ATP5F1B: variants seen among roughly 807,000 people sequenced by gnomAD.
The protein encoded by ATP5F1B is ATP synthase F(1) complex subunit beta, mitochondrial.
In ATP5F1B, 17 loss-of-function variants were observed where a neutral mutation model predicts 45.9. That is an observed-to-expected ratio of 0.37 (90% CI 0.25 to 0.56). ATP5F1B has a LOEUF of 0.56. ATP5F1B is among the 20% of genes least tolerant of loss of function. The probability of loss-of-function intolerance (pLI) is 0.80; values close to 1 mark genes in which losing one functional copy is unlikely to be tolerated. For synonymous variants in ATP5F1B, 218 were observed against 256.5 expected, an observed-to-expected ratio of 0.85 and a Z score of 1.43; for missense variants, 387 against 673.2, an observed-to-expected ratio of 0.57 and a Z score of 4.70.
At chr12:56,644,041 T>C in intron 3 of ATP5F1B, 83 bp from the exon 4 acceptor site, 1 of 1,501,834 alleles carries the variant, frequency 6.7e-7, no homozygotes, top group Non-Finnish European at 9.0e-7. Context: ...CTATCAACTC[T>C]CAAGTCCATC....
In ATP5F1B at chr12:56,642,776, G is replaced by A; in HGVS notation, c.848C>T (p.Ala283Val). 3 of 1,614,110 alleles carry A rather than the reference G, an allele frequency of 1.9e-6. No individual in the cohort carries two copies. Among genetic ancestry groups the A allele is most frequent in the Non-Finnish European group, 1.7e-6 (2 of 1,180,008 alleles). Residue 283 changes from alanine to valine, a missense_variant, in exon 6 of 10, where the codon GCT (alanine) becomes GTT (valine). Ala to Val is a moderately conservative substitution (Grantham distance 64). This residue lies in a region of ATP5F1B where 154 missense variants were observed against 361.4 expected (regional missense o/e 0.43). Transcript: ENST00000262030. ...TTCAGCCACAGTCAGCCCAGTCAGA[G>A]CTACCCGGGCACGAGCACCAGGTGG... ...NEPPGARARV[A>V]LTGLTVAEYF...
At position 56,642,448 on chromosome 12, in the gene ATP5F1B, T is replaced by C; in HGVS notation, c.1074+10A>G. On this transcript the variant is annotated intron_variant, in intron 7 of 9. Coordinates refer to ENST00000262030, the MANE Select transcript of ATP5F1B (RefSeq NM_001686.4). Reference sequence around the variant, plus strand: ...ACAAATCAGATCTTCATCTATGTAATTTTTCTTACCTGTACAGAGGTGATA... The same window carrying C: ...ACAAATCAGATCTTCATCTATGTAACTTTTCTTACCTGTACAGAGGTGATA... 6.2e-7 allele frequency: 1 copy of C among 1,613,486 alleles called. No individual in the cohort carries two copies. Among genetic ancestry groups the C allele is most frequent in the Non-Finnish European group, 8.5e-7 (1 of 1,179,968 alleles).
rs764712544 is a variant in ATP5F1B at position 56,645,917 on chromosome 12, G to A, written c.47C>T (p.Ala16Val). ...GRVAAAPASG[A>V]LRRLTPSASL... ...CGCTGAAGGGGTGAGTCTCCGCAAG[G>A]CCCCGGAGGCCGGAGCAGCGGCCAC... The change falls in exon 1 of 10, where the codon GCC becomes GTC. Residue 16 changes from alanine to valine, a missense_variant. Ala to Val is a moderately conservative substitution (Grantham distance 64). This residue lies in a region of ATP5F1B where 76 missense variants were observed against 62.0 expected (regional missense o/e 1.23). Transcript: ENST00000262030. 1.9e-6 allele frequency: 3 copies of A among 1,607,382 alleles called. No individual in the cohort carries two copies. Among genetic ancestry groups the A allele is most frequent in the African/African-American group, 1.3e-5 (1 of 74,878 alleles).
intron 8 of ATP5F1B, 109 bp from the exon 9 acceptor site, chr12:56,639,416 G>T: frequency 1.0e-6 from 1 of 990,768 alleles, no homozygotes; most frequent in Non-Finnish European, 1.5e-6. Context: ...GGTGTTATGA[G>T]GGCCCTCAGC....
intron 6 of ATP5F1B, 36 bp downstream of exon 6, chr12:56,642,637 C>G (rs1196914220): frequency 6.2e-7 from 1 of 1,613,962 alleles, no homozygotes; most frequent in Non-Finnish European, 8.5e-7. Flanking sequence ...GAAGAAAGGC[C>G]AGATGAACCA....
In ATP5F1B at chr12:56,638,219, G is replaced by C. The variant is rs1059859; in HGVS notation, c.*104C>G. On this transcript the variant is annotated 3_prime_UTR_variant, in exon 10 of 10. Transcript: ENST00000262030. ...TATTGGAAACCTTAAATACTGTTCA[G>C]AAAGAATATATCTTCAATCAAGGCT... 3 of 986,058 alleles carry C rather than the reference G, an allele frequency of 3.0e-6. No homozygotes were observed. Among genetic ancestry groups the C allele is most frequent in the Non-Finnish European group, 4.6e-6 (3 of 645,646 alleles). The allele number at this position is 986,058 out of a possible 1,614,324, so 61.1% of individuals were successfully genotyped here.
chr12:56,644,648 A>G, intron 3 of ATP5F1B, 133 bp downstream of exon 3: 1 of 980,716 alleles, frequency 1.0e-6, no homozygotes, highest in Non-Finnish European at 1.5e-6. Context: ...TTCAGGTGAA[A>G]CTGCACTGTG....
Position 56,640,199 on chromosome 12 carries a change from T to C in ATP5F1B, c.1075-7A>G. The C allele has an allele frequency of 6.2e-7, 1 of 1,611,494 alleles. No individual in the cohort carries two copies. The highest frequency in any genetic ancestry group is 8.5e-7 in the Non-Finnish European group (1 of 1,179,148). ...CAGCAGGCACATAGATAGCCTAAAG[T>C]GAGATCCCATGAAGAACAGGAACCA... On this transcript the variant is annotated splice_polypyrimidine_tract_variant and splice_region_variant and intron_variant, in intron 7 of 9. Coordinates refer to ENST00000262030, the MANE Select transcript of ATP5F1B (RefSeq NM_001686.4).
intron 3 of ATP5F1B, among the ~76,000 whole-genome samples, chr12:56,644,333 C>T (rs539782893): frequency 1.3e-5 from 2 of 150,194 alleles, no homozygotes; most frequent in Non-Finnish European, 3.0e-5. Flanking sequence ...ACTAGCCAGG[C>T]GCAGTGGCTC....
chr12:56,642,972 T>A, intron 5 of ATP5F1B, 141 bp from the exon 6 acceptor site: 1 of 880,410 alleles, frequency 1.1e-6, no homozygotes, highest in Non-Finnish European at 1.7e-6. Flanking sequence ...TTTTCCCTAT[T>A]AGAGATGCAG....
Position 56,644,875 on chromosome 12 carries a change from G to A in ATP5F1B, c.391C>T (p.Pro131Ser). 6.2e-7 allele frequency: 1 copy of A among 1,614,152 alleles called. No individual in the cohort carries two copies. Among genetic ancestry groups the A allele is most frequent in the Middle Eastern group, 1.6e-4 (1 of 6,062 alleles). Residue 131 changes from proline to serine, a missense_variant, in exon 3 of 10, where the codon CCA becomes TCA. Pro to Ser is a moderately conservative substitution (Grantham distance 74). Around this residue, in one of 6 missense-constraint regions of ATP5F1B, gnomAD observed 113 missense variants for 168.0 expected, o/e 0.67. Coordinates refer to ENST00000262030, the MANE Select transcript of ATP5F1B (RefSeq NM_001686.4). ...RGQKVLDSGA[P>S]IKIPVGPETL... ...TCAGGACCAACAGGAATTTTGATTG[G>A]TGCACCAGAATCCAGTACTTTCTGG...
intron 3 of ATP5F1B, among the ~76,000 whole-genome samples, 191 bp downstream of exon 3, chr12:56,644,590 C>T (rs1340467871): frequency 6.6e-6 from 1 of 151,650 alleles, no homozygotes; most frequent in East Asian, 1.9e-4. Context: ...AAAAAAAAAA[C>T]CTCAAGTAGT....
Position 56,645,329 on chromosome 12 carries a change from G to A in ATP5F1B, c.152C>T (p.Ser51Phe), listed in dbSNP as rs376765679. 287 of 1,613,996 alleles carry A rather than the reference G, an allele frequency of 1.8e-4. No homozygotes were observed. The highest frequency in any genetic ancestry group is 2.2e-4 in the Non-Finnish European group (258 of 1,179,982). ...HPVRDYAAQT[S>F]PSPKAGAATG... ...GGCGGCGCCTGCTTTTGGCGAAGGA[G>A]ATGTTTGCGCCGCATAGTCCCTGAC... is the stretch of plus-strand genomic sequence containing the variant. The change falls in exon 2 of 10, where the codon TCT becomes TTT. Residue 51 changes from serine to phenylalanine, a missense_variant. Around this residue, in one of 6 missense-constraint regions of ATP5F1B, gnomAD observed 113 missense variants for 168.0 expected, o/e 0.67. Transcript: ENST00000262030.
intron 1 of ATP5F1B, among the ~76,000 whole-genome samples, chr12:56,645,631 G>A (rs1164797110): frequency 6.6e-6 from 1 of 152,156 alleles, no homozygotes; most frequent in African/African-American, 2.4e-5. Flanking sequence ...GTCACACAAA[G>A]GACTTTATAC....
chr12:56,639,511 C>G (rs901489477), intron 8 of ATP5F1B: 2 of 569,324 alleles, frequency 3.5e-6, no homozygotes, highest in Non-Finnish European at 6.2e-6. Flanking sequence ...CAGTGGCTCA[C>G]GTCTGTAATC....
At chr12:56,645,707 A>T in intron 1 of ATP5F1B, 130 bp downstream of exon 1, 1 of 1,471,290 alleles carries the variant, frequency 6.8e-7, no homozygotes, top group South Asian at 1.2e-5. Context: ...TCCAGCCATT[A>T]GAGAGCAAGA....
intron 3 of ATP5F1B, 125 bp downstream of exon 3, chr12:56,644,656 G>T: frequency 9.6e-7 from 1 of 1,046,790 alleles, no homozygotes; most frequent in Non-Finnish European, 1.4e-6. Flanking sequence ...AAACTGCACT[G>T]TGTGATTTTA....
intron 4 of ATP5F1B, 22 bp from the exon 5 acceptor site, chr12:56,643,609 G>C (rs747120065): frequency 6.2e-7 from 1 of 1,612,860 alleles, no homozygotes; most frequent in East Asian, 2.2e-5. Flanking sequence ...TGAAAAGAAA[G>C]AATATTTAAG....
At position 56,645,274 on chromosome 12, in the gene ATP5F1B, T is replaced by C. The variant is rs150239854; in HGVS notation, c.207A>G (p.Ala69=). The C allele has an allele frequency of 6.2e-7, 1 of 1,614,246 alleles. No homozygotes were observed. The highest frequency in any genetic ancestry group is 8.5e-7 in the Non-Finnish European group (1 of 1,180,028). ...ATGRIVAVIG[A]VVDVQFDEGL... ...CCTCATCAAACTGGACGTCCACCAC[T>C]GCGCCAATGACCGCCACGATGCGCC... The change falls in exon 2 of 10, where the codon GCA becomes GCG. Residue 69 remains alanine (A), a synonymous_variant. Transcript: ENST00000262030.
Sources: gnomAD v4.1 joint callset for allele counts (sites outside exome capture counted in the v4.1 genomes callset) on GRCh38, gnomAD v4.1.1 for gene constraint, gnomAD v4.1.1 regional missense constraint, MANE v1.5 for transcripts, NCBI Gene and HGNC (gene_info 2026-07-23, HGNC 2026-07-21) for gene names.